SPOCK1: variants seen among roughly 807,000 people sequenced by gnomAD.
The protein encoded by SPOCK1 is SPARC (osteonectin), cwcv and kazal like domains proteoglycan 1, also known as testican-1.
Under a neutral mutation model 55.3 loss-of-function variants are expected in SPOCK1, and 23 were observed. The observed-to-expected ratio is 0.42, with a 90% CI of 0.30 to 0.59. SPOCK1 has a LOEUF of 0.59. SPOCK1 is among the 20% of genes least tolerant of loss of function. The pLI is 0.22. For missense variants in SPOCK1, 499 were observed against 552.5 expected (o/e 0.90, Z 0.97); for synonymous variants, 226 against 221.0 (o/e 1.02, Z -0.20).
intron 2 of SPOCK1, among the ~76,000 whole-genome samples, chr5:137,331,271 G>A (rs1758175182): frequency 6.6e-6 from 1 of 152,148 alleles, no homozygotes; most frequent in South Asian, 2.1e-4. Flanking sequence ...AATAAGGAAG[G>A]TGAACAAAGG....
At chr5:137,382,242 C>T (rs1046926172) in intron 2 of SPOCK1, among the ~76,000 whole-genome samples, 22 of 152,212 alleles carry the variant, frequency 1.4e-4, no homozygotes, top group African/African-American at 5.1e-4. Context: ...CATCACTGTC[C>T]ATATCACTAT....
chr5:137,376,045 A>G (rs1431108262), intron 2 of SPOCK1, among the ~76,000 whole-genome samples: 2 of 152,244 alleles, frequency 1.3e-5, no homozygotes, highest in Non-Finnish European at 2.9e-5. Flanking sequence ...GGCTATCTCA[A>G]CAACCAAGTA....
At chr5:136,999,159 G>A (rs1011285161) in intron 6 of SPOCK1, among the ~76,000 whole-genome samples, 3 of 152,164 alleles carry the variant, frequency 2.0e-5, no homozygotes, top group African/African-American at 7.2e-5. Context: ...GCAGCTGATG[G>A]GAGGGAGAAG....
intron 3 of SPOCK1, among the ~76,000 whole-genome samples, chr5:137,220,483 G>A (rs191993814): frequency 2.2e-4 from 34 of 152,288 alleles, no homozygotes; most frequent in Non-Finnish European, 2.1e-4. Flanking sequence ...AATCCTCAAA[G>A]AGCCCTGTGA....
intron 3 of SPOCK1, among the ~76,000 whole-genome samples, chr5:137,195,166 G>T (rs140033982): frequency 6.6e-6 from 1 of 152,114 alleles, no homozygotes; most frequent in Non-Finnish European, 1.5e-5. Context: ...AAATAAGCTC[G>T]TTTGGCCTGT....
chr5:137,435,587 A>G (rs1409309927), intron 2 of SPOCK1, among the ~76,000 whole-genome samples: 1 of 152,156 alleles, frequency 6.6e-6, no homozygotes, highest in East Asian at 1.9e-4. Context: ...GATTTTCTTA[A>G]GGGGCACATA....
chr5:137,035,620 C>T (rs1580718170), intron 6 of SPOCK1, among the ~76,000 whole-genome samples: 1 of 152,220 alleles, frequency 6.6e-6, no homozygotes, highest in East Asian at 1.9e-4. Flanking sequence ...TCTGAGACTC[C>T]TTGGAGAAGA....
At chr5:137,256,115 G>T (rs1756625260) in intron 3 of SPOCK1, among the ~76,000 whole-genome samples, 1 of 152,128 alleles carries the variant, frequency 6.6e-6, no homozygotes, top group Non-Finnish European at 1.5e-5. Flanking sequence ...TTGGGAAGTG[G>T]CATATGTTTC....
chr5:137,029,723 G>T (rs1404228892), intron 6 of SPOCK1, among the ~76,000 whole-genome samples: 1 of 152,224 alleles, frequency 6.6e-6, no homozygotes, highest in Non-Finnish European at 1.5e-5. Flanking sequence ...GGCTAGGTAT[G>T]GTGGCTCATG....
intron 5 of SPOCK1, among the ~76,000 whole-genome samples, chr5:137,109,087 G>A (rs1753417657): frequency 6.6e-6 from 1 of 152,172 alleles, no homozygotes; most frequent in South Asian, 2.1e-4. Flanking sequence ...AGGTGAGTGA[G>A]CAGGTTTTTG....
intron 3 of SPOCK1, among the ~76,000 whole-genome samples, chr5:137,197,045 C>G (rs946291803): frequency 2.6e-5 from 4 of 152,150 alleles, no homozygotes; most frequent in African/African-American, 7.2e-5. Context: ...GCCAGGATAC[C>G]CACCTGAGGA....
intron 2 of SPOCK1, among the ~76,000 whole-genome samples, chr5:137,483,116 T>C (rs1457980813): frequency 6.6e-6 from 1 of 152,206 alleles, no homozygotes; most frequent in East Asian, 1.9e-4. Flanking sequence ...GTGGATCACC[T>C]GAGGTCAGGA....
chr5:137,211,062 C>T lies in SPOCK1; in HGVS notation c.232+55948G>A, dbSNP rs182596878. ...AACTCAGCCCTTCGTATACCTGATG[C>T]CCAAAGAGAAAGAAGACTGAGAATG... On this transcript the variant is annotated intron_variant, in intron 3 of 10. Transcript: ENST00000394945. Among the ~76,000 whole-genome samples the T allele has an allele frequency of 2.9e-3, 444 of 152,296 alleles. 2 individuals are homozygous for T. Among genetic ancestry groups the T allele is most frequent in the African/African-American group, 6.0e-3 (251 of 41,560 alleles).
At chr5:137,474,375 G>A (rs777806765) in intron 2 of SPOCK1, among the ~76,000 whole-genome samples, 2 of 152,146 alleles carry the variant, frequency 1.3e-5, no homozygotes, top group African/African-American at 2.4e-5. Context: ...TTCTCACTGT[G>A]CGAAAAATAA....
intron 9 of SPOCK1, 47 bp downstream of exon 9, chr5:136,985,093 G>C (rs749408366): frequency 6.4e-7 from 1 of 1,551,420 alleles, no homozygotes; most frequent in East Asian, 2.2e-5. Flanking sequence ...AAGGGACATG[G>C]CTGGCTTAAT....
At chr5:137,140,942 T>C (rs1561624652) in intron 3 of SPOCK1, among the ~76,000 whole-genome samples, 1 of 151,878 alleles carries the variant, frequency 6.6e-6, no homozygotes, top group Non-Finnish European at 1.5e-5. Context: ...GTATTTTTAA[T>C]AGAGATGGGG....
intron 3 of SPOCK1, among the ~76,000 whole-genome samples, chr5:137,186,367 TGG>T (rs1468453825): frequency 3.3e-5 from 5 of 152,216 alleles, no homozygotes; most frequent in Non-Finnish European, 7.3e-5. Flanking sequence ...ATTGCATCAA[TGG>T]CTAGACAGTG....
intron 2 of SPOCK1, among the ~76,000 whole-genome samples, chr5:137,452,496 C>A (rs780097435): frequency 8.5e-5 from 13 of 152,178 alleles, no homozygotes; most frequent in Non-Finnish European, 7.3e-5. Context: ...AAAAGTGAAT[C>A]TGATTCAAGG....
At chr5:137,141,115 G>T (rs921476952) in intron 3 of SPOCK1, among the ~76,000 whole-genome samples, 3 of 152,162 alleles carry the variant, frequency 2.0e-5, no homozygotes, top group East Asian at 3.9e-4. Context: ...CCATGTGTTT[G>T]CCCTCGGTGC....
Sources: gnomAD v4.1 joint callset for allele counts (sites outside exome capture counted in the v4.1 genomes callset) on GRCh38, gnomAD v4.1.1 for gene constraint, MANE v1.5 for transcripts, NCBI Gene and HGNC (gene_info 2026-07-23, HGNC 2026-07-21) for gene names.